Variants in TFEC observed in about 807,000 individuals in gnomAD.
TFEC encodes transcription factor EC, also known as class E basic helix-loop-helix protein 34.
In TFEC, 31 loss-of-function variants were observed where a neutral mutation model predicts 41.6. That is an observed-to-expected ratio of 0.74 (90% confidence interval 0.56 to 1.01). The LOEUF (loss-of-function observed/expected upper bound fraction) is 1.01, where lower values mean the gene tolerates loss of function less well. Ranked by LOEUF, TFEC falls within the 50% of genes least tolerant of loss-of-function variation. The probability of loss-of-function intolerance (pLI) is 0.00; values close to 1 mark genes in which losing one functional copy is unlikely to be tolerated. For missense variants in TFEC, 402 were observed against 404.1 expected, an observed-to-expected ratio of 0.99 and a Z score of 0.04; for synonymous variants, 143 against 140.6, an observed-to-expected ratio of 1.02 and a Z score of -0.12.
intron 3 of TFEC, among the ~76,000 whole-genome samples, chr7:115,965,016 C>A (rs527523568): frequency 4.0e-5 from 6 of 151,668 alleles, no homozygotes; most frequent in African/African-American, 1.4e-4. Context: ...AGTGTGGTAA[C>A]AACTGTAGAA....
At chr7:116,106,980 A>ATT (rs1797733220) in intron 3 of TFEC, among the ~76,000 whole-genome samples, 1 of 152,210 alleles carries the variant, frequency 6.6e-6, no homozygotes, top group Non-Finnish European at 1.5e-5. Flanking sequence ...TAAATGTTTA[A>ATT]GATTTAGAGA....
intron 3 of TFEC, among the ~76,000 whole-genome samples, chr7:115,972,380 A>G (rs1220917071): frequency 6.6e-6 from 1 of 152,112 alleles, no homozygotes; most frequent in Non-Finnish European, 1.5e-5. Flanking sequence ...ATAATACAGA[A>G]ATAGATACCA....
chr7:116,045,454 C>A (rs1182617252), intron 3 of TFEC, among the ~76,000 whole-genome samples: 1 of 152,222 alleles, frequency 6.6e-6, no homozygotes, highest in Non-Finnish European at 1.5e-5. Context: ...CTGCTCCAGG[C>A]TATGGCTTCA....
At chr7:116,146,341 G>A (rs1033748105) in intron 1 of TFEC, among the ~76,000 whole-genome samples, 4 of 152,098 alleles carry the variant, frequency 2.6e-5, no homozygotes, top group Non-Finnish European at 4.4e-5. Context: ...CCAAAACCAG[G>A]AGCCTTGAAA....
chr7:115,952,393 C>T lies in TFEC; in HGVS notation c.440-1444G>A, dbSNP rs1791994817. On this transcript the variant is annotated intron_variant, in intron 5 of 7. Transcript: ENST00000265440. ...GAAATGTATATATATAACATATGCA[C>T]ATATAAAATAATAAGAATTTCTTAA... 2.0e-5 allele frequency among the ~76,000 whole-genome samples: 3 copies of T among 151,832 alleles called. No individual in the cohort carries two copies. The South Asian group carries it at 6.2e-4, about 31-fold the overall frequency.
At chr7:115,977,272 T>A (rs1346695517) in intron 2 of TFEC, among the ~76,000 whole-genome samples, 1 of 151,880 alleles carries the variant, frequency 6.6e-6, no homozygotes, top group Non-Finnish European at 1.5e-5. Flanking sequence ...ATTAAGATCA[T>A]AAGAATACAA....
At chr7:115,988,822 T>A (rs1584646516) in intron 1 of TFEC, among the ~76,000 whole-genome samples, 1 of 150,108 alleles carries the variant, frequency 6.7e-6, no homozygotes, top group Non-Finnish European at 1.5e-5. Flanking sequence ...GTACAGAAAA[T>A]CAAAGATAAA....
At chr7:115,970,516 G>C (rs566677463) in intron 3 of TFEC, among the ~76,000 whole-genome samples, 1 of 151,880 alleles carries the variant, frequency 6.6e-6, no homozygotes, top group Non-Finnish European at 1.5e-5. Flanking sequence ...GAGGAAATGC[G>C]TTTAAAGGGT....
At chr7:116,132,796 T>A (rs1307346308) in intron 1 of TFEC, among the ~76,000 whole-genome samples, 1 of 152,218 alleles carries the variant, frequency 6.6e-6, no homozygotes, top group Non-Finnish European at 1.5e-5. Context: ...CTATAGAATA[T>A]TAGTTAGCTG....
At chr7:115,974,074 G>T in intron 3 of TFEC, 96 bp downstream of exon 3, 2 of 937,738 alleles carry the variant, frequency 2.1e-6, no homozygotes, top group Non-Finnish European at 1.6e-6. Context: ...TGTTTAAAAA[G>T]TGCAGAAAAA....
intron 3 of TFEC, among the ~76,000 whole-genome samples, chr7:116,057,247 A>T (rs1280714335): frequency 6.6e-6 from 1 of 152,046 alleles, no homozygotes; most frequent in East Asian, 1.9e-4. Flanking sequence ...AAAAAATTGA[A>T]GAAATAATAG....
At chr7:116,133,142 A>G (rs979081413) in intron 1 of TFEC, among the ~76,000 whole-genome samples, 1 of 152,272 alleles carries the variant, frequency 6.6e-6, no homozygotes, top group Admixed American at 6.5e-5. Context: ...CAAAAGTTAC[A>G]TAATGACAAA....
At chr7:116,101,863 T>C (rs186736969) in intron 3 of TFEC, among the ~76,000 whole-genome samples, 47 of 152,332 alleles carry the variant, frequency 3.1e-4, no homozygotes, top group African/African-American at 1.0e-3. Flanking sequence ...CATTCAGTAA[T>C]GTCTGAAAAC....
intron 1 of TFEC, among the ~76,000 whole-genome samples, chr7:116,158,949 AATTT>A (rs1418042368): frequency 3.3e-5 from 5 of 152,012 alleles, no homozygotes; most frequent in African/African-American, 4.8e-5. Flanking sequence ...ATGTTTTGCT[AATTT>A]ATTATATAAT....
At chr7:116,157,535 GTAAGTT>G (rs1433741273) in intron 1 of TFEC, among the ~76,000 whole-genome samples, 3 of 152,130 alleles carry the variant, frequency 2.0e-5, no homozygotes. Flanking sequence ...GTGACTGAAA[GTAAGTT>G]TAGTAGGGAA....
intron 3 of TFEC, among the ~76,000 whole-genome samples, chr7:116,093,552 CTTCT>C (rs1023435279): frequency 4.6e-5 from 7 of 152,040 alleles, no homozygotes; most frequent in East Asian, 1.9e-4. Flanking sequence ...GATTTTGTTT[CTTCT>C]TTCTTTTTTT....
chr7:116,011,658 T>C (rs191757841), intron 1 of TFEC, among the ~76,000 whole-genome samples: 2 of 152,280 alleles, frequency 1.3e-5, no homozygotes, highest in African/African-American at 4.8e-5. Context: ...TGGATTGATG[T>C]GGTTTTGACA....
At chr7:116,018,426 T>C (rs973902314) in intron 1 of TFEC, among the ~76,000 whole-genome samples, 1 of 152,148 alleles carries the variant, frequency 6.6e-6, no homozygotes, top group African/African-American at 2.4e-5. Flanking sequence ...TGGAGAAGCT[T>C]TACCAACTTT....
At chr7:115,943,472 T>C (rs1193974658) in intron 6 of TFEC, among the ~76,000 whole-genome samples, 1 of 152,002 alleles carries the variant, frequency 6.6e-6, no homozygotes, top group Non-Finnish European at 1.5e-5. Flanking sequence ...AAAGTACTAT[T>C]AGTTCAAAAA....
Sources: gnomAD v4.1 joint callset for allele counts (sites outside exome capture counted in the v4.1 genomes callset) on GRCh38, gnomAD v4.1.1 for gene constraint, MANE v1.5 for transcripts, NCBI Gene and HGNC (gene_info 2026-07-23, HGNC 2026-07-21) for gene names.